WDR72: variants seen among roughly 807,000 people sequenced by gnomAD.
WDR72 encodes WD repeat-containing protein 72.
In WDR72, 120 loss-of-function variants were observed where a neutral mutation model predicts 124.2. The ratio of observed to expected loss-of-function variants is 0.97; its 90% CI spans 0.83 to 1.12. The LOEUF (loss-of-function observed/expected upper bound fraction) is 1.12, where lower values mean the gene tolerates loss of function less well. Ranked by LOEUF, WDR72 falls within the 50% of genes most tolerant of loss-of-function variation. The pLI, the probability that WDR72 is intolerant of heterozygous loss-of-function variation, is 0.00. For missense variants in WDR72, 1,387 were observed against 1,278.8 expected, an observed-to-expected ratio of 1.08 and a Z score of -1.29; for synonymous variants, 452 against 441.7, an observed-to-expected ratio of 1.02 and a Z score of -0.29.
chr15:53,736,992 A>G (rs932906287), intron 1 of WDR72, among the ~76,000 whole-genome samples: 1 of 139,746 alleles, frequency 7.2e-6, no homozygotes, highest in Non-Finnish European at 1.5e-5. Context: ...ACAAAGGTAG[A>G]TGTAAAACAC....
At chr15:53,728,469 C>T (rs2018107069) in intron 2 of WDR72, among the ~76,000 whole-genome samples, 1 of 152,130 alleles carries the variant, frequency 6.6e-6, no homozygotes, top group Admixed American at 6.5e-5. Context: ...TGTTTAAATC[C>T]CCATTTCACA....
chr15:53,604,172 G>T (rs2013171368), intron 17 of WDR72, among the ~76,000 whole-genome samples: 1 of 151,968 alleles, frequency 6.6e-6, no homozygotes, highest in African/African-American at 2.4e-5. Context: ...CCAGAAATAA[G>T]ATCACACACC....
At chr15:53,558,441 C>T (rs1363896762) in intron 18 of WDR72, among the ~76,000 whole-genome samples, 2 of 152,074 alleles carry the variant, frequency 1.3e-5, no homozygotes, top group Middle Eastern at 3.4e-3. Flanking sequence ...AAAGTTAATA[C>T]TATGTATCAC....
At chr15:53,682,499 T>C (rs918961748) in intron 13 of WDR72, among the ~76,000 whole-genome samples, 21 of 152,300 alleles carry the variant, frequency 1.4e-4, no homozygotes, top group Middle Eastern at 3.4e-3. Context: ...TTCTTATTAC[T>C]GTATTTTTGC....
At chr15:53,541,261 G>A (rs965019937) in intron 18 of WDR72, among the ~76,000 whole-genome samples, 6 of 152,162 alleles carry the variant, frequency 3.9e-5, no homozygotes, top group Non-Finnish European at 7.3e-5. Context: ...GCTTTGAAGA[G>A]AGCAGTGGTT....
At chr15:53,641,638 C>A (rs4776165) in intron 14 of WDR72, among the ~76,000 whole-genome samples, 1 of 151,802 alleles carries the variant, frequency 6.6e-6, no homozygotes, top group Non-Finnish European at 1.5e-5. Context: ...TAAATTAAGG[C>A]ATTTTTGTGT....
chr15:53,670,811 C>A (rs912952807), intron 13 of WDR72, among the ~76,000 whole-genome samples: 1 of 152,110 alleles, frequency 6.6e-6, no homozygotes, highest in African/African-American at 2.4e-5. Flanking sequence ...CTTTGTCACA[C>A]GAGAGAGGTC....
chr15:53,683,443 T>C (rs1216252411), intron 13 of WDR72, among the ~76,000 whole-genome samples: 1 of 152,160 alleles, frequency 6.6e-6, no homozygotes, highest in African/African-American at 2.4e-5. Flanking sequence ...AAAGTATCAC[T>C]TGTACCCCAG....
At chr15:53,628,819 T>TA (rs888523616) in intron 14 of WDR72, among the ~76,000 whole-genome samples, 14 of 151,230 alleles carry the variant, frequency 9.3e-5, no homozygotes, top group South Asian at 4.2e-4. Flanking sequence ...TTTTTTTAAT[T>TA]AAAAAAAAAC....
In WDR72 at chr15:53,540,702, CG is replaced by C. The variant is rs1244951310; in HGVS notation, c.3149-17381del. On this transcript the variant is annotated intron_variant, in intron 18 of 19. Transcript: ENST00000360509. The stretch of plus-strand genomic sequence containing the variant: ...CTCCCAGCGTGAGCGACGCAGAAGA[CG>C]GGTGATTTCTGCACTTCCATCTGAG... Among the ~76,000 whole-genome samples, 16 of 152,202 alleles carry C rather than the reference CG, an allele frequency of 1.1e-4. 1 individual carries two copies. Among genetic ancestry groups the C allele is most frequent in the South Asian group, 8.3e-4 (4 of 4,816 alleles).
At chr15:53,734,087 T>A (rs1232555000) in intron 1 of WDR72, among the ~76,000 whole-genome samples, 1 of 152,180 alleles carries the variant, frequency 6.6e-6, no homozygotes, top group Non-Finnish European at 1.5e-5. Context: ...ACCAAAAGTG[T>A]AAATACCAAT....
chr15:53,529,379 G>A (rs926314142), intron 18 of WDR72, among the ~76,000 whole-genome samples: 2 of 151,584 alleles, frequency 1.3e-5, no homozygotes, highest in Non-Finnish European at 2.9e-5. Flanking sequence ...ATAAAATGAG[G>A]GAGTTGAAGT....
intron 18 of WDR72, among the ~76,000 whole-genome samples, chr15:53,585,495 A>T (rs1035804483): frequency 3.9e-5 from 6 of 151,980 alleles, no homozygotes; most frequent in South Asian, 2.1e-4. Flanking sequence ...CACAGAGTCA[A>T]ACCATATAAT....
At chr15:53,742,945 T>C (rs936358043) in intron 1 of WDR72, among the ~76,000 whole-genome samples, 7 of 152,266 alleles carry the variant, frequency 4.6e-5, no homozygotes, top group African/African-American at 1.2e-4. Flanking sequence ...CAACCAAACA[T>C]ACAGACATAA....
At chr15:53,729,170 G>C (rs2018127998) in intron 2 of WDR72, among the ~76,000 whole-genome samples, 1 of 152,054 alleles carries the variant, frequency 6.6e-6, no homozygotes, top group African/African-American at 2.4e-5. Flanking sequence ...CATCCAATCA[G>C]TTTCTCAGTT....
chr15:53,559,303 AT>A (rs559985221), intron 18 of WDR72, among the ~76,000 whole-genome samples: 1 of 152,022 alleles, frequency 6.6e-6, no homozygotes, highest in East Asian at 1.9e-4. Context: ...ACACATGTGG[AT>A]TTTTTTTAAA....
intron 1 of WDR72, among the ~76,000 whole-genome samples, chr15:53,742,376 T>C (rs988620196): frequency 3.9e-5 from 6 of 152,178 alleles, no homozygotes; most frequent in African/African-American, 9.6e-5. Context: ...AGTACACCTG[T>C]TGTGTTTCAA....
chr15:53,677,523 G>A (rs2140472793), intron 13 of WDR72, among the ~76,000 whole-genome samples: 1 of 152,264 alleles, frequency 6.6e-6, no homozygotes, highest in South Asian at 2.1e-4. Context: ...GGGACCCCGT[G>A]GGAGGTAATT....
At chr15:53,573,463 T>A (rs1331880459) in intron 18 of WDR72, among the ~76,000 whole-genome samples, 1 of 152,216 alleles carries the variant, frequency 6.6e-6, no homozygotes, top group African/African-American at 2.4e-5. Flanking sequence ...TGCTATTCCA[T>A]AAATGTCATT....
Sources: gnomAD v4.1 joint callset for allele counts (sites outside exome capture counted in the v4.1 genomes callset) on GRCh38, gnomAD v4.1.1 for gene constraint, MANE v1.5 for transcripts, NCBI Gene and HGNC (gene_info 2026-07-23, HGNC 2026-07-21) for gene names.